IFT22: variants seen among roughly 807,000 people sequenced by gnomAD.
IFT22 encodes the protein intraflagellar transport 22, also known as intraflagellar transport protein 22 homolog.
IFT22 carries 13 observed loss-of-function variants against 21.0 expected under a neutral mutation model. That is an observed-to-expected ratio of 0.62 (90% CI 0.40 to 0.98). IFT22 has a LOEUF of 0.98. Ranked by LOEUF, IFT22 falls within the 50% of genes least tolerant of loss-of-function variation. The pLI is 0.00. For synonymous variants in IFT22, 67 were observed against 82.4 expected (o/e 0.81, Z 1.01); for missense variants, 227 against 228.9 (o/e 0.99, Z 0.06).
At chr7:101,318,901 A>G in intron 2 of IFT22, 55 bp downstream of exon 2, 1 of 1,404,434 alleles carries the variant, frequency 7.1e-7, no homozygotes, top group Admixed American at 1.7e-5. Context: ...TAGAGGAATG[A>G]GCCTCCCTGC....
intron 1 of IFT22, 73 bp downstream of exon 1, chr7:101,321,598 G>C (rs761189713): frequency 1.2e-4 from 177 of 1,481,724 alleles, no homozygotes; most frequent in Middle Eastern, 3.6e-4. Flanking sequence ...AGATCAGACG[G>C]GTGGGGACCT....
At position 101,321,756 on chromosome 7, in the gene IFT22, C is replaced by T; in HGVS notation, c.-47G>A. On this transcript the variant is annotated 5_prime_UTR_variant, in exon 1 of 5. Coordinates refer to ENST00000315322, the MANE Select transcript of IFT22 (RefSeq NM_022777.4). ...CGGCCGGAGCCCACGGGAGGCGGCG[C>T]GTCAGGACGGAGCTCTACTTGGCCG... 1.3e-6 allele frequency: 2 copies of T among 1,550,856 alleles called. No homozygotes were observed. Among genetic ancestry groups the T allele is most frequent in the Non-Finnish European group, 1.7e-6 (2 of 1,145,444 alleles).
chr7:101,318,988 G>A lies in IFT22; in HGVS notation c.84C>T (p.Asp28=), dbSNP rs1790248779. ...CTTGGGTTGGGCTGTATTCAGTGAT[G>A]TCAGAAGATTCTGTCAGAAAGTTGG... is the stretch of plus-strand genomic sequence containing the variant. ...VLANFLTESS[D]ITEYSPTQGV... The change falls in exon 2 of 5, where the codon GAC becomes GAT. Residue 28 remains aspartate (D), a synonymous_variant. Transcript: ENST00000315322. The A allele has an allele frequency of 1.9e-6, 3 of 1,614,026 alleles. No homozygotes were observed. Among genetic ancestry groups the A allele is most frequent in the South Asian group, 1.1e-5 (1 of 91,082 alleles).
At position 101,321,478 on chromosome 7, in the gene IFT22, G is replaced by A. The variant is rs73410778; in HGVS notation, c.39+193C>T. The stretch of plus-strand genomic sequence containing the variant: ...CGGGCTCGCCTCCACTACCTCCTCC[G>A]GGCAGTGGTTGGAATCAAGGTCTGA... On this transcript the variant is annotated intron_variant, in intron 1 of 4. Transcript: ENST00000315322. The A allele has an allele frequency of 4.9e-3, 2,877 of 587,454 alleles. 66 individuals are homozygous for A. In the African/African-American group the frequency reaches 0.051, roughly 10 times the overall value. 36.4% of individuals were successfully genotyped at this position (587,454 alleles called of 1,614,324 possible). A position where few individuals can be genotyped will look rare whatever the true frequency, so the allele number is the denominator to read the frequency against.
chr7:101,316,171 G>A, intron 4 of IFT22, 169 bp downstream of exon 4: 2 of 626,922 alleles, frequency 3.2e-6, no homozygotes, highest in Non-Finnish European at 2.8e-6. Flanking sequence ...GCTAATTTTT[G>A]TATTTTTAGT....
intron 1 of IFT22, among the ~76,000 whole-genome samples, chr7:101,319,673 T>G (rs137929959): frequency 6.8e-6 from 1 of 146,666 alleles, no homozygotes; most frequent in East Asian, 2.1e-4. Context: ...AGACAAGGTC[T>G]TGCTCGGTTG....
At position 101,314,522 on chromosome 7, in the gene IFT22, C is replaced by T. The variant is rs1236110811; in HGVS notation, c.*612G>A. 1 of 152,198 alleles carries T rather than the reference C, an allele frequency of 6.6e-6. No individual in the cohort carries two copies. Among genetic ancestry groups the T allele is most frequent in the African/African-American group, 2.4e-5 (1 of 41,458 alleles). The allele number at this position is 152,198 out of a possible 1,614,324, so 9.4% of individuals were successfully genotyped here. A position where few individuals can be genotyped will look rare whatever the true frequency, so the allele number is the denominator to read the frequency against. On this transcript the variant is annotated 3_prime_UTR_variant, in exon 5 of 5. Coordinates refer to ENST00000315322, the MANE Select transcript of IFT22 (RefSeq NM_022777.4). ...TTTTGCATATCCAAGACATTGCACT[C>T]AAGTTTCTGAATCGGCCTATTAGGT...
Position 101,318,764 on chromosome 7 carries a change from G to GTAGCTGAGAC in IFT22, c.116+182_116+191dup, listed in dbSNP as rs1275946359. ...CAATCCTTCTGCTTCAACCTAACAT[G>GTAGCTGAGAC]TAGCTGAGACTACAGACACATGCCA... On this transcript the variant is annotated intron_variant, in intron 2 of 4. Transcript: ENST00000315322. 26 of 539,464 alleles carry GTAGCTGAGAC rather than the reference G, an allele frequency of 4.8e-5. 1 individual carries two copies. The highest frequency in any genetic ancestry group is 2.2e-4 in the East Asian group (7 of 32,112). The allele number at this position is 539,464 out of a possible 1,614,324, so 33.4% of individuals were successfully genotyped here.
At chr7:101,315,438 GC>G (rs770575403) in intron 4 of IFT22, 156 bp from the exon 5 acceptor site, 1,127 of 745,162 alleles carry the variant, frequency 1.5e-3, no homozygotes, top group Non-Finnish European at 2.3e-3. Context: ...TTGCTATACT[GC>G]CCCCTGGCGA....
rs2116910999 is a variant in IFT22, at chr7:101,313,193, G to A, written c.*1941C>T. On this transcript the variant is annotated 3_prime_UTR_variant, in exon 5 of 5. Coordinates refer to ENST00000315322, the MANE Select transcript of IFT22 (RefSeq NM_022777.4). Reference sequence around the variant, plus strand: ...TGAGTAGCTGGTATTACAGGTGTGTGCCAACATGCCTGGCGAATTTTTGTA... The same window carrying A: ...TGAGTAGCTGGTATTACAGGTGTGTACCAACATGCCTGGCGAATTTTTGTA... Among the ~76,000 whole-genome samples, 1 of 152,202 alleles carries A rather than the reference G, an allele frequency of 6.6e-6. No individual in the cohort carries two copies. Among genetic ancestry groups the A allele is most frequent in the South Asian group, 2.1e-4 (1 of 4,820 alleles).
Position 101,319,046 on chromosome 7 carries a change from T to C in IFT22, c.40-14A>G. ...AGTTTTTCCACTCTGTGAAAATGAG[T>C]GCAAATAAAGGTCTTTGCTGAAAGG... On this transcript the variant is annotated splice_polypyrimidine_tract_variant and intron_variant, in intron 1 of 4. Coordinates refer to ENST00000315322, the MANE Select transcript of IFT22 (RefSeq NM_022777.4). 6.2e-7 allele frequency: 1 copy of C among 1,613,350 alleles called. No individual in the cohort carries two copies.
At chr7:101,318,474 C>G in intron 2 of IFT22, 1 of 335,068 alleles carries the variant, frequency 3.0e-6, no homozygotes, top group Non-Finnish European at 5.6e-6. Context: ...GAGCTGAGAT[C>G]GTGCCACCAC....
At chr7:101,320,271 T>TA (rs1790296516) in intron 1 of IFT22, among the ~76,000 whole-genome samples, 1 of 149,772 alleles carries the variant, frequency 6.7e-6, no homozygotes, top group South Asian at 2.1e-4. Flanking sequence ...TTTTTTTTTT[T>TA]AATTATTATT....
chr7:101,315,480 G>T, intron 4 of IFT22, 198 bp from the exon 5 acceptor site: 2 of 601,254 alleles, frequency 3.3e-6, no homozygotes, highest in East Asian at 2.8e-5. Context: ...CCACTTTCCA[G>T]GTCTTCTGTT....
chr7:101,320,225 G>A (rs929594960), intron 1 of IFT22, among the ~76,000 whole-genome samples: 13 of 151,530 alleles, frequency 8.6e-5, no homozygotes, highest in African/African-American at 2.4e-4. Flanking sequence ...CCAAAGTGCT[G>A]GGATTAGAAG....
At position 101,319,050 on chromosome 7, in the gene IFT22, A is replaced by G; in HGVS notation, c.40-18T>C. 2 of 1,613,224 alleles carry G rather than the reference A, an allele frequency of 1.2e-6. No homozygotes were observed. Among genetic ancestry groups the G allele is most frequent in the Non-Finnish European group, 1.7e-6 (2 of 1,179,392 alleles). On this transcript the variant is annotated intron_variant, in intron 1 of 4. Coordinates refer to ENST00000315322, the MANE Select transcript of IFT22 (RefSeq NM_022777.4). ...TTTCCACTCTGTGAAAATGAGTGCA[A>G]ATAAAGGTCTTTGCTGAAAGGCAGA...
chr7:101,312,747 G>C lies in IFT22; in HGVS notation c.*2387C>G, dbSNP rs1231584794. Among the ~76,000 whole-genome samples the C allele has an allele frequency of 6.6e-6, 1 of 151,878 alleles. No individual in the cohort carries two copies. Among genetic ancestry groups the C allele is most frequent in the Non-Finnish European group, 1.5e-5 (1 of 67,990 alleles). On this transcript the variant is annotated 3_prime_UTR_variant, in exon 5 of 5. Coordinates refer to ENST00000315322, the MANE Select transcript of IFT22 (RefSeq NM_022777.4). The stretch of plus-strand genomic sequence containing the variant: ...AGTCGGGGTTTCACCATGTTGGACA[G>C]GCTGGTCTCGAACTCCTGACCTTGT...
chr7:101,321,276 A>G (rs1790339110), intron 1 of IFT22, among the ~76,000 whole-genome samples: 1 of 152,188 alleles, frequency 6.6e-6, no homozygotes, highest in Non-Finnish European at 1.5e-5. Flanking sequence ...GTGAGCTATG[A>G]TCACACCACT....
chr7:101,315,115 A>G lies in IFT22; in HGVS notation c.*19T>C, dbSNP rs1178977159. On this transcript the variant is annotated 3_prime_UTR_variant, in exon 5 of 5. Transcript: ENST00000315322. ...ATGCTGATTTCACTGGGGATGTGGC[A>G]GTCCCAGGTGAAGGCTGGCTAGGTC... 2 of 1,609,476 alleles carry G rather than the reference A, an allele frequency of 1.2e-6. No homozygotes were observed. The highest frequency in any genetic ancestry group is 1.7e-6 in the Non-Finnish European group (2 of 1,177,220).
Sources: allele counts gnomAD v4.1 joint callset (sites outside exome capture counted in the v4.1 genomes callset), GRCh38; gene constraint gnomAD v4.1.1; transcripts MANE v1.5; gene names NCBI Gene and HGNC (gene_info 2026-07-23, HGNC 2026-07-21).